Variants in RBMS1 observed in about 807,000 individuals in gnomAD.
The protein encoded by RBMS1 is RNA-binding motif, single-stranded-interacting protein 1.
In RBMS1, 17 loss-of-function variants were observed where a neutral mutation model predicts 62.3. That is an observed-to-expected ratio of 0.27 (90% confidence interval 0.19 to 0.41). The LOEUF (loss-of-function observed/expected upper bound fraction) is 0.41, where lower values mean the gene tolerates loss of function less well. RBMS1 is among the 10% of genes least tolerant of loss of function. The probability of loss-of-function intolerance (pLI) is 1.00; values close to 1 mark genes in which losing one functional copy is unlikely to be tolerated. For missense variants in RBMS1, 334 were observed against 504.5 expected (o/e 0.66, Z 3.24); for synonymous variants, 172 against 170.0 (o/e 1.01, Z -0.09).
intron 4 of RBMS1, 81 bp downstream of exon 4, chr2:160,313,075 A>T: frequency 7.5e-7 from 1 of 1,337,960 alleles, no homozygotes; most frequent in Non-Finnish European, 1.1e-6. Flanking sequence ...GAGATTACAG[A>T]TGCAGATAGA....
chr2:160,350,243 T>TA (rs1169785474), intron 2 of RBMS1, among the ~76,000 whole-genome samples: 1 of 152,074 alleles, frequency 6.6e-6, no homozygotes, highest in Non-Finnish European at 1.5e-5. Context: ...CTAACAGCAT[T>TA]ACAAGTGGAG....
intron 1 of RBMS1, among the ~76,000 whole-genome samples, chr2:160,412,380 A>G (rs1382940998): frequency 1.3e-5 from 2 of 152,240 alleles, no homozygotes; most frequent in African/African-American, 2.4e-5. Context: ...ATAAGCCTCA[A>G]TGTACAGATG....
chr2:160,420,831 A>G (rs1165465609), intron 1 of RBMS1, among the ~76,000 whole-genome samples: 1 of 152,198 alleles, frequency 6.6e-6, no homozygotes, highest in South Asian at 2.1e-4. Flanking sequence ...ACCCCCTACA[A>G]CTTTCTCTGC....
intron 1 of RBMS1, among the ~76,000 whole-genome samples, chr2:160,409,967 G>A (rs1016211904): frequency 1.3e-5 from 2 of 152,090 alleles, no homozygotes; most frequent in Admixed American, 6.6e-5. Flanking sequence ...GGTGGCTCAC[G>A]CCTGTAATCC....
intron 9 of RBMS1, chr2:160,282,165 C>G: frequency 2.6e-6 from 3 of 1,157,914 alleles, no homozygotes; most frequent in Non-Finnish European, 3.6e-6. Context: ...ACAACAAAAC[C>G]CTCCTGCATT....
intron 2 of RBMS1, among the ~76,000 whole-genome samples, chr2:160,320,025 A>G (rs1273905090): frequency 1.3e-5 from 2 of 152,252 alleles, no homozygotes; most frequent in Non-Finnish European, 1.5e-5. Flanking sequence ...TAGGCTTACA[A>G]AGAAATAATC....
intron 1 of RBMS1, among the ~76,000 whole-genome samples, chr2:160,413,466 C>G (rs1007503604): frequency 6.6e-6 from 1 of 152,106 alleles, no homozygotes; most frequent in Non-Finnish European, 1.5e-5. Context: ...TACTATTTTG[C>G]TTTTTAAAAA....
chr2:160,421,844 C>T (rs1224639048), intron 1 of RBMS1, among the ~76,000 whole-genome samples: 1 of 152,232 alleles, frequency 6.6e-6, no homozygotes, highest in East Asian at 1.9e-4. Context: ...ACCATTCTAA[C>T]TGGTGTGAGA....
intron 1 of RBMS1, among the ~76,000 whole-genome samples, chr2:160,422,348 AT>A (rs142443847): frequency 0.013 from 1,917 of 152,300 alleles, 51 homozygotes; most frequent in African/African-American, 0.043. Flanking sequence ...ACTTTCTTTC[AT>A]TGACTGACAT....
intron 4 of RBMS1, among the ~76,000 whole-genome samples, chr2:160,307,725 A>G (rs1250752567): frequency 1.3e-5 from 2 of 152,240 alleles, no homozygotes; most frequent in East Asian, 1.9e-4. Context: ...AGCTTGGAAA[A>G]AAGTTATTTT....
intron 1 of RBMS1, among the ~76,000 whole-genome samples, chr2:160,446,632 G>C (rs918520600): frequency 6.6e-6 from 1 of 152,188 alleles, no homozygotes; most frequent in Non-Finnish European, 1.5e-5. Context: ...GTGTATGTGA[G>C]AGAACCCAGT....
intron 6 of RBMS1, among the ~76,000 whole-genome samples, chr2:160,292,820 A>C (rs928111155): frequency 2.0e-5 from 3 of 152,202 alleles, no homozygotes; most frequent in African/African-American, 7.2e-5. Flanking sequence ...GGGGACTAGA[A>C]CACTGGCACA....
At chr2:160,295,841 A>T (rs1462394263) in intron 6 of RBMS1, among the ~76,000 whole-genome samples, 1 of 152,248 alleles carries the variant, frequency 6.6e-6, no homozygotes, top group African/African-American at 2.4e-5. Context: ...TCAACAGGGA[A>T]GATCTTATCT....
intron 2 of RBMS1, among the ~76,000 whole-genome samples, chr2:160,350,778 A>G (rs1692448161): frequency 6.6e-6 from 1 of 152,150 alleles, no homozygotes; most frequent in Non-Finnish European, 1.5e-5. Context: ...GTTGGTTCCA[A>G]GTCTTTGCTA....
At chr2:160,404,126 T>C (rs1695573607) in intron 1 of RBMS1, among the ~76,000 whole-genome samples, 1 of 152,202 alleles carries the variant, frequency 6.6e-6, no homozygotes. Flanking sequence ...ACGTACACAT[T>C]TGTCCACTGA....
chr2:160,471,691 G>GTATATATATATATATATATATA lies in RBMS1; in HGVS notation c.75+21576_75+21597dup, dbSNP rs368982549. ...AATCATGTTTGGGAAATCCTTTGGT[G>GTATATATATATATATATATATA]TATATATATATATATATATATATAT... On this transcript the variant is annotated intron_variant, in intron 1 of 13. Transcript: ENST00000348849. Among the ~76,000 whole-genome samples, 617 of 65,418 alleles carry GTATATATATATATATATATATA rather than the reference G, an allele frequency of 9.4e-3. 48 individuals are homozygous for GTATATATATATATATATATATA. Among genetic ancestry groups the GTATATATATATATATATATATA allele is most frequent in the South Asian group, 0.022 (27 of 1,222 alleles). 42.9% of individuals were successfully genotyped at this position (65,418 alleles called of 152,430 possible).
intron 1 of RBMS1, chr2:160,407,430 C>G (rs1488064212): frequency 7.1e-6 from 7 of 985,948 alleles, no homozygotes; most frequent in Non-Finnish European, 8.4e-6. Flanking sequence ...CGGGGCTCGC[C>G]GACCTCGGCG....
intron 1 of RBMS1, among the ~76,000 whole-genome samples, chr2:160,383,568 A>T (rs547380675): frequency 6.6e-6 from 1 of 152,178 alleles, no homozygotes; most frequent in African/African-American, 2.4e-5. Flanking sequence ...ATGTTTCAGT[A>T]CATACAATGT....
intron 1 of RBMS1, among the ~76,000 whole-genome samples, chr2:160,481,307 T>C (rs540023053): frequency 4.7e-5 from 7 of 149,944 alleles, no homozygotes; most frequent in African/African-American, 1.7e-4. Context: ...AATTGGAAAT[T>C]GATTGCAGGC....
Sources: allele counts gnomAD v4.1 joint callset (sites outside exome capture counted in the v4.1 genomes callset), GRCh38; gene constraint gnomAD v4.1.1; transcripts MANE v1.5; gene names NCBI Gene and HGNC (gene_info 2026-07-23, HGNC 2026-07-21).